Variants in CACNA1C observed in about 807,000 individuals in gnomAD.
CACNA1C encodes voltage-dependent L-type calcium channel subunit alpha-1C.
A neutral mutation model predicts 229.0 loss-of-function variants in CACNA1C; 30 were observed. The ratio of observed to expected loss-of-function variants is 0.13; its 90% CI spans 0.10 to 0.18. The LOEUF (loss-of-function observed/expected upper bound fraction) is 0.18. CACNA1C is among the 10% of genes least tolerant of loss of function. The probability of loss-of-function intolerance (pLI) is 1.00; values close to 1 mark genes in which losing one functional copy is unlikely to be tolerated. For synonymous variants in CACNA1C, 1,114 were observed against 1,132.5 expected, an observed-to-expected ratio of 0.98 and a Z score of 0.33; for missense variants, 1,658 against 2,845.0, an observed-to-expected ratio of 0.58 and a Z score of 9.49.
At chr12:2,557,819 C>CA (rs1328585674) in intron 11 of CACNA1C, among the ~76,000 whole-genome samples, 1 of 152,224 alleles carries the variant, frequency 6.6e-6, no homozygotes, top group Non-Finnish European at 1.5e-5. Flanking sequence ...CCCCTGCTTC[C>CA]AAAGGCTCTG....
intron 37 of CACNA1C, among the ~76,000 whole-genome samples, chr12:2,668,002 GA>G (rs1343082564): frequency 1.3e-5 from 2 of 152,262 alleles, no homozygotes; most frequent in Non-Finnish European, 2.9e-5. Flanking sequence ...TGGGAAAGAA[GA>G]GGGCAAGACA....
At chr12:2,324,710 A>G (rs1445504764) in intron 3 of CACNA1C, among the ~76,000 whole-genome samples, 1 of 152,098 alleles carries the variant, frequency 6.6e-6, no homozygotes, top group African/African-American at 2.4e-5. Context: ...TGCAAAGGAA[A>G]TAAACAGGCC....
chr12:2,260,473 A>AT (rs1253926267), intron 3 of CACNA1C, among the ~76,000 whole-genome samples: 2 of 136,494 alleles, frequency 1.5e-5, no homozygotes, highest in South Asian at 5.0e-4. Flanking sequence ...CCCTGTCTCT[A>AT]TTAAAAAAAA....
intron 6 of CACNA1C, among the ~76,000 whole-genome samples, chr12:2,492,303 C>T (rs1417549567): frequency 6.6e-6 from 1 of 152,160 alleles, no homozygotes; most frequent in Non-Finnish European, 1.5e-5. Flanking sequence ...GAAATTAGTC[C>T]AACTGCTGCA....
intron 5 of CACNA1C, among the ~76,000 whole-genome samples, chr12:2,478,911 A>G (rs1021536762): frequency 1.3e-5 from 2 of 152,206 alleles, no homozygotes; most frequent in African/African-American, 4.8e-5. Context: ...GCCTCAAGAA[A>G]GGGAACCTTG....
At chr12:2,140,650 T>C (rs949434800) in intron 3 of CACNA1C, among the ~76,000 whole-genome samples, 1 of 151,444 alleles carries the variant, frequency 6.6e-6, no homozygotes, top group Non-Finnish European at 1.5e-5. Flanking sequence ...GTTCTGTGCA[T>C]CTGTGGTCTT....
chr12:2,677,711 C>G lies in CACNA1C; in HGVS notation c.4957-22C>G. On this transcript the variant is annotated intron_variant, in intron 40 of 46. Transcript: ENST00000399655. This position sits in a 1 kb window ranked among gnomAD's most constrained non-coding sequence, Gnocchi z 7.4. Reference sequence around the variant, plus strand: ...TGGAGGAAAGGGAGCGTGGTCCTCACCATCCTCCCCTTGGATTCCAGGCTG... The same window carrying G: ...TGGAGGAAAGGGAGCGTGGTCCTCAGCATCCTCCCCTTGGATTCCAGGCTG... 1 of 1,609,222 alleles carries G rather than the reference C, an allele frequency of 6.2e-7. No individual in the cohort carries two copies. The highest frequency in any genetic ancestry group is 8.5e-7 in the Non-Finnish European group (1 of 1,178,132).
In CACNA1C at chr12:2,666,844, C is replaced by T; in HGVS notation, c.4623+62C>T. On this transcript the variant is annotated intron_variant, in intron 37 of 46. Transcript: ENST00000399655. This position sits in a 1 kb window ranked among gnomAD's most constrained non-coding sequence, Gnocchi z 5.3. ...AATAGGGGAAGTGAAGTGCCCATTT[C>T]TTGTGATCCTTTAAGGGAATGAACA... is the stretch of plus-strand genomic sequence containing the variant. 1.0e-6 allele frequency: 1 copy of T among 955,570 alleles called. No individual in the cohort carries two copies. Among genetic ancestry groups the T allele is most frequent in the South Asian group, 1.4e-5 (1 of 72,328 alleles). The allele number at this position is 955,570 out of a possible 1,614,324, so 59.2% of individuals were successfully genotyped here.
At chr12:2,667,119 A>G (rs1489702314) in intron 37 of CACNA1C, among the ~76,000 whole-genome samples, 1 of 152,206 alleles carries the variant, frequency 6.6e-6, no homozygotes, top group East Asian at 1.9e-4. Flanking sequence ...AAGCCCAGGC[A>G]TTGACTTCAG....
chr12:2,414,676 G>A (rs888371021), intron 3 of CACNA1C, among the ~76,000 whole-genome samples: 1 of 152,158 alleles, frequency 6.6e-6, no homozygotes, highest in Non-Finnish European at 1.5e-5. Flanking sequence ...GAGTGTCACA[G>A]GGCATACGAG....
chr12:2,695,704 G>A lies in CACNA1C; in HGVS notation c.*4505G>A, dbSNP rs1234856150. ...CCCAACACCTAGTGAGAAAGACGGT[G>A]CGTGGAAGGGAGTCCCATGGGCAGA... On this transcript the variant is annotated 3_prime_UTR_variant, in exon 47 of 47. Coordinates refer to ENST00000399655, the MANE Select transcript of CACNA1C (RefSeq NM_000719.7). 2 of 152,258 alleles carry A rather than the reference G, an allele frequency of 1.3e-5. No homozygotes were observed. Among genetic ancestry groups the A allele is most frequent in the East Asian group, 3.8e-4 (2 of 5,202 alleles). The allele number at this position is 152,258 out of a possible 1,614,324, so 9.4% of individuals were successfully genotyped here. A position where few individuals can be genotyped will look rare whatever the true frequency, so the allele number is the denominator to read the frequency against.
rs777974680 is a variant in CACNA1C at position 2,319,265 on chromosome 12, G to A, written c.478-129711G>A. Among the ~76,000 whole-genome samples the A allele has an allele frequency of 3.9e-5, 6 of 151,990 alleles. No individual in the cohort carries two copies. The highest frequency in any genetic ancestry group is 2.6e-4 in the Admixed American group (4 of 15,262). ...GATGTGTAGTGTACATGGGGGCGGCGTGCATGGTGGGTGGCCTGTGGGGGC... is the reference window on the plus strand; with the variant it reads ...GATGTGTAGTGTACATGGGGGCGGCATGCATGGTGGGTGGCCTGTGGGGGC... On this transcript the variant is annotated intron_variant, in intron 3 of 46. Transcript: ENST00000399655. This position sits in a 1 kb window ranked among gnomAD's most constrained non-coding sequence, Gnocchi z 4.0.
intron 8 of CACNA1C, among the ~76,000 whole-genome samples, chr12:2,510,584 A>G (rs1248938284): frequency 6.6e-6 from 1 of 152,210 alleles, no homozygotes; most frequent in Non-Finnish European, 1.5e-5. Flanking sequence ...CTGTTGCTGT[A>G]AAACAGGATT....
chr12:2,076,216 T>G (rs1377843364), intron 1 of CACNA1C, among the ~76,000 whole-genome samples: 1 of 152,210 alleles, frequency 6.6e-6, no homozygotes, highest in Non-Finnish European at 1.5e-5. Flanking sequence ...TCACATGTGC[T>G]AGGGTTTTTT....
chr12:2,175,615 T>C (rs1471609848), intron 3 of CACNA1C, among the ~76,000 whole-genome samples: 1 of 152,184 alleles, frequency 6.6e-6, no homozygotes, highest in East Asian at 1.9e-4. Flanking sequence ...CCCATCAGCC[T>C]TTCCCCTGAT....
chr12:2,564,747 A>G (rs1795799642), intron 11 of CACNA1C, among the ~76,000 whole-genome samples: 1 of 152,106 alleles, frequency 6.6e-6, no homozygotes, highest in Non-Finnish European at 1.5e-5. Flanking sequence ...CTGCCTCTAA[A>G]ATTGCTGCCA....
rs572587436 is a variant in CACNA1C at position 2,635,832 on chromosome 12, C to CTG, written c.3912+1463_3912+1464dup. On this transcript the variant is annotated intron_variant, in intron 30 of 46. Transcript: ENST00000399655. ...TATGTGTGTATATGTGAGTGCATGT[C>CTG]TGTGTGTGTGTGAGCATGTGTGCAT... is the stretch of plus-strand genomic sequence containing the variant. Among the ~76,000 whole-genome samples the CTG allele has an allele frequency of 2.0e-5, 3 of 151,936 alleles. No homozygotes were observed. In the East Asian group the frequency reaches 5.8e-4, roughly 29 times the overall value.
chr12:2,416,620 C>T lies in CACNA1C; in HGVS notation c.478-32356C>T, dbSNP rs542409380. Among the ~76,000 whole-genome samples the T allele has an allele frequency of 3.3e-5, 5 of 152,336 alleles. No individual in the cohort carries two copies. The South Asian group carries it at 8.3e-4, about 25-fold the overall frequency. Reference sequence around the variant, plus strand: ...CTCCAGACTCTGGGCTCAACCACCACGCTCTGAGCCTGCAGTAAGATGTAC... The same window carrying T: ...CTCCAGACTCTGGGCTCAACCACCATGCTCTGAGCCTGCAGTAAGATGTAC... On this transcript the variant is annotated intron_variant, in intron 3 of 46. Coordinates refer to ENST00000399655, the MANE Select transcript of CACNA1C (RefSeq NM_000719.7).
At chr12:2,051,502 G>A (rs555740591), upstream of CACNA1C, among the ~76,000 whole-genome samples, 7 of 152,334 alleles carry the variant, frequency 4.6e-5, no homozygotes, top group Admixed American at 4.6e-4. Flanking sequence ...AATACCAGAG[G>A]GGAGAGGGAA....
Sources: allele counts gnomAD v4.1 joint callset (sites outside exome capture counted in the v4.1 genomes callset), GRCh38; gene constraint gnomAD v4.1.1; non-coding constraint Gnocchi (gnomAD v3.1); transcripts MANE v1.5; gene names NCBI Gene and HGNC (gene_info 2026-07-23, HGNC 2026-07-21).